Variants in DCDC2C observed in about 807,000 individuals in gnomAD.
The protein encoded by DCDC2C is doublecortin domain containing 2C, also known as doublecortin domain-containing protein 2C.
A neutral mutation model predicts 45.0 loss-of-function variants in DCDC2C; 44 were observed. That is an observed-to-expected ratio of 0.98 (90% CI 0.77 to 1.26). The LOEUF (loss-of-function observed/expected upper bound fraction) is 1.26, where lower values mean the gene tolerates loss of function less well. DCDC2C is among the 50% of genes most tolerant of loss of function. DCDC2C has a pLI of 0.00. For synonymous variants in DCDC2C, 187 were observed against 178.8 expected (o/e 1.05, Z -0.37); for missense variants, 447 against 468.9 (o/e 0.95, Z 0.43).
At chr2:3,751,522 G>T (rs1669542241) in intron 4 of DCDC2C, among the ~76,000 whole-genome samples, 2 of 152,240 alleles carry the variant, frequency 1.3e-5, no homozygotes, top group African/African-American at 4.8e-5. Flanking sequence ...GCAGCAGCTT[G>T]TCAGCCAGGA....
Position 3,752,764 on chromosome 2 carries a change from T to C in DCDC2C, c.547T>C (p.Leu183=). The C allele has an allele frequency of 6.4e-7, 1 of 1,550,436 alleles. No homozygotes were observed. ...KVFPLGGVRK[L]FTMNGHLLGD... ...CATTTCTTCTTTCTGTTTTTACAGATTATTTACAATGAATGGGCATCTTTT... is the reference window on the plus strand; with the variant it reads ...CATTTCTTCTTTCTGTTTTTACAGACTATTTACAATGAATGGGCATCTTTT... Residue 183 remains leucine (L), a splice_region_variant and synonymous_variant, in exon 5 of 11, where the codon TTA becomes CTA. Coordinates refer to ENST00000399143, the MANE Select transcript of DCDC2C (RefSeq NM_001287444.2).
intron 6 of DCDC2C, among the ~76,000 whole-genome samples, chr2:3,766,111 T>A (rs1386597659): frequency 6.6e-6 from 1 of 152,136 alleles, no homozygotes; most frequent in Non-Finnish European, 1.5e-5. Flanking sequence ...TCCGCGTTTG[T>A]ATCTCATTGC....
rs73140891 is a variant in DCDC2C, at chr2:3,721,587, T to C, written c.340-5416T>C. Among the ~76,000 whole-genome samples, 162 of 152,294 alleles carry C rather than the reference T, an allele frequency of 1.1e-3. 1 individual carries two copies. Among genetic ancestry groups the C allele is most frequent in the African/African-American group, 3.7e-3 (154 of 41,574 alleles). ...AACAACAAAGCCACAATAATTGCTGTTTGATATGGTTTTGCTATGTCCCCA... is the reference window on the plus strand; with the variant it reads ...AACAACAAAGCCACAATAATTGCTGCTTGATATGGTTTTGCTATGTCCCCA... On this transcript the variant is annotated intron_variant, in intron 2 of 10. Coordinates refer to ENST00000399143, the MANE Select transcript of DCDC2C (RefSeq NM_001287444.2).
At chr2:3,709,863 T>A (rs1668160981) in intron 2 of DCDC2C, among the ~76,000 whole-genome samples, 1 of 152,178 alleles carries the variant, frequency 6.6e-6, no homozygotes, top group Admixed American at 6.5e-5. Flanking sequence ...AATTTCAGAC[T>A]ATCTTGTCAA....
chr2:3,756,035 T>C (rs1485158705), intron 6 of DCDC2C, among the ~76,000 whole-genome samples: 1 of 151,020 alleles, frequency 6.6e-6, no homozygotes, highest in South Asian at 2.1e-4. Context: ...TATGGATGCA[T>C]GTGTGTGTGG....
intron 4 of DCDC2C, among the ~76,000 whole-genome samples, chr2:3,748,361 G>C (rs549227574): frequency 1.0e-4 from 15 of 150,408 alleles, no homozygotes; most frequent in African/African-American, 3.2e-4. Flanking sequence ...CGAGAGATGG[G>C]GGTGGGGGTG....
chr2:3,725,638 G>A (rs532852955), intron 2 of DCDC2C, among the ~76,000 whole-genome samples: 1 of 138,782 alleles, frequency 7.2e-6, no homozygotes, highest in South Asian at 2.4e-4. Context: ...TGACGAGGAT[G>A]GCCAGGTGGA....
At chr2:3,806,438 C>T (rs1053308208) in intron 10 of DCDC2C, among the ~76,000 whole-genome samples, 1 of 152,132 alleles carries the variant, frequency 6.6e-6, no homozygotes, top group Non-Finnish European at 1.5e-5. Flanking sequence ...TGAGTGCCCG[C>T]GTTGTATGAG....
In DCDC2C at chr2:3,767,753, G is replaced by A. The variant is rs1054290435; in HGVS notation, c.727-1G>A. On this transcript the variant is annotated splice_acceptor_variant, in intron 6 of 10. Transcript: ENST00000399143. LOFTEE classifies it high-confidence loss of function. ...CTTTCTCTTCTTCATTTGTCCTGTA[G>A]GTGGACTCCAAAGGAAAAGAACCTT... 3.2e-6 allele frequency: 5 copies of A among 1,550,458 alleles called. No individual in the cohort carries two copies. The Admixed American group carries it at 9.8e-5, about 30-fold the overall frequency.
At chr2:3,813,039 GTATATATATA>G (rs202152340) in intron 10 of DCDC2C, among the ~76,000 whole-genome samples, 1,272 of 87,406 alleles carry the variant, frequency 0.015, 41 homozygotes, top group African/African-American at 0.053. Context: ...TGAGAAGAAC[GTATATATATA>G]TATATATATA....
chr2:3,787,439 G>C (rs1670684408), intron 10 of DCDC2C, among the ~76,000 whole-genome samples: 1 of 152,194 alleles, frequency 6.6e-6, no homozygotes, highest in South Asian at 2.1e-4. Context: ...GCTGTCTACT[G>C]TTGTTACTGG....
At chr2:3,823,689 T>C (rs763112660) in intron 10 of DCDC2C, among the ~76,000 whole-genome samples, 5 of 152,268 alleles carry the variant, frequency 3.3e-5, no homozygotes, top group Non-Finnish European at 5.9e-5. Flanking sequence ...TGATAGTTTT[T>C]TTTCTTTTAT....
At chr2:3,801,807 T>G (rs2148203272) in intron 10 of DCDC2C, among the ~76,000 whole-genome samples, 1 of 152,372 alleles carries the variant, frequency 6.6e-6, no homozygotes, top group South Asian at 2.1e-4. Flanking sequence ...GTGCATCTCC[T>G]TTTCTGATCA....
intron 10 of DCDC2C, among the ~76,000 whole-genome samples, chr2:3,799,805 T>C (rs1329408957): frequency 1.3e-5 from 2 of 152,276 alleles, no homozygotes; most frequent in African/African-American, 2.4e-5. Context: ...TCTGCAGAGG[T>C]TACTGCTGTC....
chr2:3,755,736 A>G (rs1460200731), intron 6 of DCDC2C, among the ~76,000 whole-genome samples: 3 of 151,604 alleles, frequency 2.0e-5, no homozygotes, highest in Admixed American at 2.0e-4. Context: ...TGTTGTATGG[A>G]TGTGTGTATG....
intron 10 of DCDC2C, among the ~76,000 whole-genome samples, chr2:3,827,577 T>C (rs1671856977): frequency 6.6e-6 from 1 of 152,222 alleles, no homozygotes; most frequent in South Asian, 2.1e-4. Flanking sequence ...TCAGTCAACA[T>C]CTTTCAACAA....
At position 3,753,547 on chromosome 2, in the gene DCDC2C, G is replaced by A. The variant is rs187043447; in HGVS notation, c.683+647G>A. Among the ~76,000 whole-genome samples, 14 of 152,292 alleles carry A rather than the reference G, an allele frequency of 9.2e-5. No individual in the cohort carries two copies. In the East Asian group the frequency reaches 2.5e-3, roughly 27 times the overall value. ...AGGGCTTACTAGGAACTTTCCTGGAGCTAGTTCTTTGTCAAGTTTTCAATG... is the reference window on the plus strand; with the variant it reads ...AGGGCTTACTAGGAACTTTCCTGGAACTAGTTCTTTGTCAAGTTTTCAATG... On this transcript the variant is annotated intron_variant, in intron 5 of 10. Coordinates refer to ENST00000399143, the MANE Select transcript of DCDC2C (RefSeq NM_001287444.2).
chr2:3,791,707 A>G (rs951763000), intron 10 of DCDC2C, among the ~76,000 whole-genome samples: 1 of 151,938 alleles, frequency 6.6e-6, no homozygotes, highest in Non-Finnish European at 1.5e-5. Flanking sequence ...CCTCTCCAGC[A>G]CTGTGTTGTT....
intron 1 of DCDC2C, among the ~76,000 whole-genome samples, chr2:3,706,901 G>T (rs1449692782): frequency 6.6e-6 from 1 of 152,202 alleles, no homozygotes; most frequent in Non-Finnish European, 1.5e-5. Flanking sequence ...TCCAAGACTT[G>T]GTTTCCTCAT....
Sources: allele counts gnomAD v4.1 joint callset (sites outside exome capture counted in the v4.1 genomes callset), GRCh38; gene constraint gnomAD v4.1.1; transcripts MANE v1.5; gene names NCBI Gene and HGNC (gene_info 2026-07-23, HGNC 2026-07-21).